The following CPPED1 variants were observed in gnomAD, a reference collection of about 807,000 sequenced individuals.
The protein encoded by CPPED1 is serine/threonine-protein phosphatase CPPED1.
In CPPED1, 28 loss-of-function variants were observed where a neutral mutation model predicts 28.0. That is an observed-to-expected ratio of 1.00 (90% CI 0.74 to 1.37). CPPED1 has a LOEUF of 1.37. Ranked by LOEUF, CPPED1 falls within the 40% of genes most tolerant of loss-of-function variation. The pLI, the probability that CPPED1 is intolerant of heterozygous loss-of-function variation, is 0.00. For synonymous variants in CPPED1, 198 were observed against 180.2 expected, an observed-to-expected ratio of 1.10 and a Z score of -0.79; for missense variants, 504 against 416.5, an observed-to-expected ratio of 1.21 and a Z score of -1.83.
chr16:12,671,887 C>T (rs142237720), intron 3 of CPPED1, among the ~76,000 whole-genome samples: 1 of 152,154 alleles, frequency 6.6e-6, no homozygotes, highest in East Asian at 1.9e-4. Context: ...CTACCATGGA[C>T]GTTTTAGTCA....
intron 3 of CPPED1, among the ~76,000 whole-genome samples, chr16:12,677,688 T>C (rs2079884835): frequency 6.6e-6 from 1 of 152,194 alleles, no homozygotes; most frequent in African/African-American, 2.4e-5. Context: ...GTCTTCCTTC[T>C]TGTGGTAAGC....
rs763380634 is a variant in CPPED1 at position 12,803,747 on chromosome 16, G to T, written c.30C>A (p.Phe10Leu). 12 of 1,592,882 alleles carry T rather than the reference G, an allele frequency of 7.5e-6. No individual in the cohort carries two copies. The Admixed American group carries it at 1.6e-4, about 21-fold the overall frequency. Residue 10 changes from phenylalanine to leucine, a missense_variant, in exon 1 of 4, where the codon TTC becomes TTA. Coordinates refer to ENST00000381774, the MANE Select transcript of CPPED1 (RefSeq NM_018340.3). Reference sequence around the variant, plus strand: ...CCAGGGTCCTGCCCCTGGCTCTGTGGAAAACACCCCCCGCCTCTGCAGCCG... The same window carrying T: ...CCAGGGTCCTGCCCCTGGCTCTGTGTAAAACACCCCCCGCCTCTGCAGCCG... MSAAEAGGVFHRARGRTLAA... is the reference protein window; with the variant it reads MSAAEAGGVLHRARGRTLAA...
At chr16:12,723,008 A>T (rs1371529367) in intron 2 of CPPED1, among the ~76,000 whole-genome samples, 1 of 152,180 alleles carries the variant, frequency 6.6e-6, no homozygotes, top group Non-Finnish European at 1.5e-5. Context: ...GGAGTGGGTT[A>T]TCAGCGGGGC....
intron 2 of CPPED1, among the ~76,000 whole-genome samples, chr16:12,713,374 TA>T (rs796727960): frequency 1.6e-4 from 25 of 152,274 alleles, no homozygotes; most frequent in African/African-American, 5.1e-4. Context: ...TTTTATTTTT[TA>T]TTTTTTTTGA....
chr16:12,676,018 T>C (rs1473720137), intron 3 of CPPED1, among the ~76,000 whole-genome samples: 1 of 152,182 alleles, frequency 6.6e-6, no homozygotes, highest in Non-Finnish European at 1.5e-5. Context: ...AGATTGAATA[T>C]GAAGTCATGG....
chr16:12,792,178 C>A (rs1201615618), intron 1 of CPPED1, among the ~76,000 whole-genome samples: 1 of 152,134 alleles, frequency 6.6e-6, no homozygotes, highest in African/African-American at 2.4e-5. Context: ...GTCTCAAACT[C>A]CTGACTTCAA....
At chr16:12,751,935 G>T (rs958956894) in intron 2 of CPPED1, among the ~76,000 whole-genome samples, 1 of 152,106 alleles carries the variant, frequency 6.6e-6, no homozygotes, top group African/African-American at 2.4e-5. Flanking sequence ...TAAAATAAAT[G>T]AGAAATGTCT....
chr16:12,803,713 G>A lies in CPPED1; in HGVS notation c.64C>T (p.Pro22Ser), dbSNP rs767803750. 3 of 1,579,346 alleles carry A rather than the reference G, an allele frequency of 1.9e-6. No homozygotes were observed. Among genetic ancestry groups the A allele is most frequent in the South Asian group, 1.1e-5 (1 of 86,978 alleles). Residue 22 changes from proline to serine, a missense_variant, in exon 1 of 4, where the codon CCC becomes TCC. Transcript: ENST00000381774. ...RARGRTLAAF[P>S]AEKESEWKGP... is the part of the protein sequence containing the mutation. ...GGTGAGGGGCGGGCAGTACCTGCGG[G>A]AAACGCGGCCAGGGTCCTGCCCCTG...
chr16:12,784,213 C>A (rs1439729240), intron 1 of CPPED1, among the ~76,000 whole-genome samples: 1 of 152,164 alleles, frequency 6.6e-6, no homozygotes, highest in Admixed American at 6.5e-5. Context: ...TGCTGAGGAA[C>A]AGAGGGAAAC....
intron 1 of CPPED1, among the ~76,000 whole-genome samples, chr16:12,788,205 G>C (rs1363465615): frequency 2.0e-5 from 3 of 152,168 alleles, no homozygotes; most frequent in Non-Finnish European, 4.4e-5. Flanking sequence ...CACTTTTGCT[G>C]TGTTCTGCTC....
intron 2 of CPPED1, among the ~76,000 whole-genome samples, chr16:12,754,160 G>C (rs550912194): frequency 6.6e-6 from 1 of 152,320 alleles, no homozygotes; most frequent in East Asian, 1.9e-4. Context: ...GCACACTCGG[G>C]TTCACTGTGG....
At chr16:12,761,403 T>C (rs1053561543) in intron 2 of CPPED1, among the ~76,000 whole-genome samples, 4 of 152,100 alleles carry the variant, frequency 2.6e-5, no homozygotes, top group African/African-American at 4.8e-5. Flanking sequence ...CTGGGCAAGT[T>C]GTTTGACCTG....
At position 12,748,004 on chromosome 16, in the gene CPPED1, G is replaced by GT. The variant is rs776341185; in HGVS notation, c.289+33180dup. On this transcript the variant is annotated intron_variant, in intron 2 of 3. Transcript: ENST00000381774. The stretch of plus-strand genomic sequence containing the variant: ...AAAATTAGAAGCCCAACAACTGAAA[G>GT]TGTCGGTGAGGAAACAGCCAGTGGA... Among the ~76,000 whole-genome samples, 83 of 152,302 alleles carry GT rather than the reference G, an allele frequency of 5.4e-4. 1 individual carries two copies. Among genetic ancestry groups the GT allele is most frequent in the Non-Finnish European group, 1.0e-3 (69 of 68,026 alleles).
chr16:12,721,434 C>G (rs1314712761), intron 2 of CPPED1, among the ~76,000 whole-genome samples: 1 of 152,036 alleles, frequency 6.6e-6, no homozygotes, highest in Non-Finnish European at 1.5e-5. Flanking sequence ...CTTGCTGGAA[C>G]TAGGAGTAGA....
At chr16:12,776,090 T>C (rs1271665133) in intron 2 of CPPED1, among the ~76,000 whole-genome samples, 3 of 152,162 alleles carry the variant, frequency 2.0e-5, no homozygotes, top group African/African-American at 4.8e-5. Flanking sequence ...GTTATCTGGA[T>C]GGACCTAATA....
chr16:12,775,311 G>A (rs1453118140), intron 2 of CPPED1, among the ~76,000 whole-genome samples: 1 of 152,036 alleles, frequency 6.6e-6, no homozygotes, highest in African/African-American at 2.4e-5. Context: ...TCTTATAAAC[G>A]ACCCAGTTCC....
intron 2 of CPPED1, among the ~76,000 whole-genome samples, chr16:12,723,332 GA>G (rs1254683112): frequency 6.6e-6 from 1 of 152,168 alleles, no homozygotes; most frequent in Non-Finnish European, 1.5e-5. Context: ...CTATGTCCCT[GA>G]AAATTCCTAT....
At chr16:12,711,597 G>A (rs2080080227) in intron 2 of CPPED1, among the ~76,000 whole-genome samples, 1 of 152,188 alleles carries the variant, frequency 6.6e-6, no homozygotes, top group African/African-American at 2.4e-5. Context: ...GCTGGGTCTA[G>A]GAGTCTGGAG....
At position 12,735,970 on chromosome 16, in the gene CPPED1, C is replaced by T. The variant is rs529455000; in HGVS notation, c.290-30921G>A. On this transcript the variant is annotated intron_variant, in intron 2 of 3. Coordinates refer to ENST00000381774, the MANE Select transcript of CPPED1 (RefSeq NM_018340.3). ...GTTACACCTGGAGACCATTATGGGC[C>T]GTCACTTTAGTCCAGTGCATAAAGG... Among the ~76,000 whole-genome samples the T allele has an allele frequency of 2.0e-5, 3 of 152,234 alleles. No individual in the cohort carries two copies. The South Asian group carries it at 6.2e-4, about 32-fold the overall frequency.
Sources: gnomAD v4.1 joint callset for allele counts (sites outside exome capture counted in the v4.1 genomes callset) on GRCh38, gnomAD v4.1.1 for gene constraint, MANE v1.5 for transcripts, NCBI Gene and HGNC (gene_info 2026-07-23, HGNC 2026-07-21) for gene names.